The following EPRS1 variants were observed in gnomAD, a reference collection of about 807,000 sequenced individuals.
The protein encoded by EPRS1 is bifunctional glutamate/proline--tRNA ligase.
EPRS1 carries 107 observed loss-of-function variants against 188.3 expected under a neutral mutation model. That is an observed-to-expected ratio of 0.57 (90% confidence interval 0.49 to 0.67). The LOEUF (loss-of-function observed/expected upper bound fraction) is 0.67. EPRS1 is among the 30% of genes least tolerant of loss of function. EPRS1 has a pLI of 0.00. For synonymous variants in EPRS1, 596 were observed against 593.1 expected, an observed-to-expected ratio of 1.00 and a Z score of -0.07; for missense variants, 1,577 against 1,802.2, an observed-to-expected ratio of 0.88 and a Z score of 2.26.
chr1:219,976,375 T>C (rs1660780326), intron 28 of EPRS1, among the ~76,000 whole-genome samples: 1 of 152,238 alleles, frequency 6.6e-6, no homozygotes, highest in Non-Finnish European at 1.5e-5. Context: ...CATTCTGCTA[T>C]AAAGAAACAC....
At chr1:220,018,918 T>C (rs1661798689) in intron 11 of EPRS1, 77 bp downstream of exon 11, 1 of 853,762 alleles carries the variant, frequency 1.2e-6, no homozygotes, top group African/African-American at 1.9e-5. Flanking sequence ...ACAACAGAGA[T>C]AATAAAGAGT....
intron 1 of EPRS1, among the ~76,000 whole-genome samples, chr1:220,045,025 C>G (rs1662375008): frequency 6.6e-6 from 1 of 152,168 alleles, no homozygotes; most frequent in South Asian, 2.1e-4. Flanking sequence ...ACATTACCAT[C>G]TTTTAAATGT....
At chr1:220,044,708 A>AAC (rs1662367630) in intron 1 of EPRS1, among the ~76,000 whole-genome samples, 3 of 128,634 alleles carry the variant, frequency 2.3e-5, no homozygotes, top group African/African-American at 8.7e-5. Flanking sequence ...AAAAAAAAAA[A>AAC]AAAAACAGTA....
chr1:219,979,298 GT>G, intron 27 of EPRS1, 119 bp downstream of exon 27: 1 of 704,846 alleles, frequency 1.4e-6, no homozygotes, highest in Non-Finnish European at 2.4e-6. Context: ...ATTCCACGTT[GT>G]TTTTATTATC....
In EPRS1 at chr1:220,016,609, G is replaced by A. The variant is rs1296820123; in HGVS notation, c.1494+1840C>T. Among the ~76,000 whole-genome samples the A allele has an allele frequency of 8.0e-5, 10 of 124,832 alleles. No homozygotes were observed. The Admixed American group carries it at 8.7e-4, about 11-fold the overall frequency. 81.9% of individuals were successfully genotyped at this position (124,832 alleles called of 152,430 possible). A position where few individuals can be genotyped will look rare whatever the true frequency, so the allele number is the denominator to read the frequency against. On this transcript the variant is annotated intron_variant, in intron 12 of 31. Coordinates refer to ENST00000366923, the MANE Select transcript of EPRS1 (RefSeq NM_004446.3). ...TTTTTTTTTTTTTTTTGGAGAGATG[G>A]GGTATCACTATGTTGTCTAGGCTGG...
chr1:219,971,316 C>T (rs984643468), intron 30 of EPRS1, among the ~76,000 whole-genome samples: 4 of 152,094 alleles, frequency 2.6e-5, no homozygotes, highest in African/African-American at 9.7e-5. Flanking sequence ...AAAGTTTCAG[C>T]TCGAAACAAC....
intron 17 of EPRS1, 150 bp downstream of exon 17, chr1:220,000,988 A>G (rs1355750834): frequency 1.6e-6 from 1 of 632,138 alleles, no homozygotes; most frequent in Non-Finnish European, 2.9e-6. Flanking sequence ...ATCTTACATG[A>G]AAGGATAACA....
intron 23 of EPRS1, 87 bp downstream of exon 23, chr1:219,982,685 A>T: frequency 1.0e-6 from 1 of 993,410 alleles, no homozygotes; most frequent in Non-Finnish European, 1.6e-6. Flanking sequence ...GATTATAGCT[A>T]TCACAAAGCA....
chr1:219,980,883 G>A, intron 24 of EPRS1, 26 bp from the exon 25 acceptor site: 3 of 1,528,474 alleles, frequency 2.0e-6, no homozygotes, highest in South Asian at 2.3e-5. Context: ...AAACAATTTA[G>A]TCATTATAAA....
chr1:220,038,282 A>G (rs1364317863), intron 2 of EPRS1, among the ~76,000 whole-genome samples: 1 of 151,370 alleles, frequency 6.6e-6, no homozygotes, highest in Non-Finnish European at 1.5e-5. Flanking sequence ...GGGTTTCTCC[A>G]TGTTGGTCAG....
intron 18 of EPRS1, among the ~76,000 whole-genome samples, chr1:219,990,076 C>A (rs1661089752): frequency 1.4e-5 from 2 of 146,878 alleles, no homozygotes; most frequent in Admixed American, 1.4e-4. Flanking sequence ...ACACTATAAG[C>A]AGGTATTCAT....
At chr1:219,982,880 C>T (rs373145624) in intron 22 of EPRS1, 36 bp from the exon 23 acceptor site, 24 of 1,578,212 alleles carry the variant, frequency 1.5e-5, no homozygotes, top group Middle Eastern at 1.7e-4. Flanking sequence ...ACTTTTTTTT[C>T]AATAGCATTT....
In EPRS1 at chr1:219,968,795, T is replaced by C; in HGVS notation, c.*11A>G. The C allele has an allele frequency of 1.2e-6, 2 of 1,613,862 alleles. No individual in the cohort carries two copies. The highest frequency in any genetic ancestry group is 1.7e-6 in the Non-Finnish European group (2 of 1,179,770). ...GTGAGAGGAGTTGAAGAGGGGGCTT[T>C]CGTTCATCCCTCAGTAGCTGCGACC... On this transcript the variant is annotated 3_prime_UTR_variant, in exon 32 of 32. Coordinates refer to ENST00000366923, the MANE Select transcript of EPRS1 (RefSeq NM_004446.3).
rs1420981614 is a variant in EPRS1 at position 219,987,340 on chromosome 1, C to T, written c.2840G>A (p.Gly947Glu). 1 of 1,613,790 alleles carries T rather than the reference C, an allele frequency of 6.2e-7. No homozygotes were observed. Among genetic ancestry groups the T allele is most frequent in the Non-Finnish European group, 8.5e-7 (1 of 1,179,812 alleles). The change falls in exon 20 of 32, where the codon GGA becomes GAA. Residue 947 changes from glycine (G) to glutamate (E), a missense_variant. Around this residue, in one of 3 missense-constraint regions of EPRS1, gnomAD observed 1,278 missense variants for 1,457.4 expected, o/e 0.88. Coordinates refer to ENST00000366923, the MANE Select transcript of EPRS1 (RefSeq NM_004446.3). ...QLKAQYKSLIGVEYKPVSATG... is the reference protein window; with the variant it reads ...QLKAQYKSLIEVEYKPVSATG... Reference sequence around the variant, plus strand: ...GGCCGACACAGGCTTATACTCTACTCCTATCAAAGACTTGTACTGTGCCTT... The same window carrying T: ...GGCCGACACAGGCTTATACTCTACTTCTATCAAAGACTTGTACTGTGCCTT...
At chr1:219,996,829 T>C (rs1203834774) in intron 18 of EPRS1, among the ~76,000 whole-genome samples, 154 bp downstream of exon 18, 2 of 152,324 alleles carry the variant, frequency 1.3e-5, no homozygotes, top group Non-Finnish European at 1.5e-5. Context: ...TTCTTATATA[T>C]ATTTTCAGAG....
rs988668525 is a variant in EPRS1 at position 219,987,282 on chromosome 1, T to TTTC, written c.2895_2897dup (p.Lys966dup). ...GCTTTTCAGATTTATTTTCTTTTTC[T>TTTC]TTCTTCTTCTTATCTTTGTCCTCAG... On this transcript the variant is annotated inframe_insertion, in exon 20 of 32. Transcript: ENST00000366923. The TTTC allele has an allele frequency of 1.2e-6, 2 of 1,614,102 alleles. No individual in the cohort carries two copies. The highest frequency in any genetic ancestry group is 4.5e-5 in the East Asian group (2 of 44,870).
At chr1:220,044,681 CAAAAAAAAAAAAAAAAAAAAA>C (rs71560597) in intron 1 of EPRS1, among the ~76,000 whole-genome samples, 1 of 88,330 alleles carries the variant, frequency 1.1e-5, no homozygotes. Flanking sequence ...GCTCGGTCTC[CAAAAAAAAAAAAAAAAAAAAA>C]AAAAAAAAAA....
At chr1:220,043,345 A>G (rs1662335580) in intron 1 of EPRS1, among the ~76,000 whole-genome samples, 1 of 152,202 alleles carries the variant, frequency 6.6e-6, no homozygotes, top group African/African-American at 2.4e-5. Flanking sequence ...AAATAATACA[A>G]ATTGTAACTT....
At chr1:220,000,307 G>C (rs939385580) in intron 17 of EPRS1, among the ~76,000 whole-genome samples, 1 of 152,192 alleles carries the variant, frequency 6.6e-6, no homozygotes, top group Non-Finnish European at 1.5e-5. Flanking sequence ...ATAATATATA[G>C]TAGCAATTTT....
Sources: gnomAD v4.1 joint callset for allele counts (sites outside exome capture counted in the v4.1 genomes callset) on GRCh38, gnomAD v4.1.1 for gene constraint, gnomAD v4.1.1 regional missense constraint, MANE v1.5 for transcripts, NCBI Gene and HGNC (gene_info 2026-07-23, HGNC 2026-07-21) for gene names.